Variants in POLG2 observed in about 807,000 individuals in gnomAD.
POLG2 encodes the protein DNA polymerase subunit gamma-2.
A neutral mutation model predicts 56.5 loss-of-function variants in POLG2; 50 were observed. That is an observed-to-expected ratio of 0.88 (90% confidence interval 0.71 to 1.12). The LOEUF is 1.12. Ranked by LOEUF, POLG2 falls within the 50% of genes most tolerant of loss-of-function variation. The pLI is 0.00. For synonymous variants in POLG2, 226 were observed against 222.6 expected (o/e 1.02, Z -0.14); for missense variants, 584 against 583.3 (o/e 1.00, Z -0.01).
In POLG2 at chr17:64,480,374, A is replaced by G. The variant is rs1228387272; in HGVS notation, c.1207T>C (p.Phe403Leu). The change falls in exon 7 of 8, where the codon TTT becomes CTT. Residue 403 changes from phenylalanine to leucine, a missense_variant. Phe to Leu is a conservative substitution (Grantham distance 22). Transcript: ENST00000539111. ...LELRQVCQGL[F>L]NELLENGISV... ...ATCCCATTTTCTAGTAACTCATTAA[A>G]TAGCCCTTGACAAACCTAGAAAGAA... 7.7e-6 allele frequency: 12 copies of G among 1,567,500 alleles called. No homozygotes were observed. Among genetic ancestry groups the G allele is most frequent in the South Asian group, 2.2e-5 (2 of 90,124 alleles).
At chr17:64,483,861 C>CCA (rs1470139354) in intron 5 of POLG2, 2 of 152,324 alleles carry the variant, frequency 1.3e-5, no homozygotes, top group African/African-American at 4.8e-5. Flanking sequence ...CAGGTGCACG[C>CCA]CACCACGCCC....
intron 1 of POLG2, among the ~76,000 whole-genome samples, chr17:64,495,871 G>T (rs970774655): frequency 1.3e-5 from 2 of 152,008 alleles, no homozygotes; most frequent in Non-Finnish European, 2.9e-5. Flanking sequence ...GTCACGGCCG[G>T]CTAATTTTTG....
chr17:64,481,168 G>T, intron 6 of POLG2: 2 of 558,754 alleles, frequency 3.6e-6, no homozygotes, highest in Non-Finnish European at 4.5e-6. Flanking sequence ...AATCTCTCCA[G>T]ACATTACTAA....
Position 64,478,587 on chromosome 17 carries a change from C to T in POLG2, c.1293-599G>A, listed in dbSNP as rs533679158. Among the ~76,000 whole-genome samples, 19 of 152,198 alleles carry T rather than the reference C, an allele frequency of 1.2e-4. No homozygotes were observed. The South Asian group carries it at 3.9e-3, about 32-fold the overall frequency. On this transcript the variant is annotated intron_variant, in intron 7 of 7. Transcript: ENST00000539111. Reference sequence around the variant, plus strand: ...TTTATTTATTGTCTATTTTGTCCTACTAGAATATAAGCTTAACAAGAATAG... The same window carrying T: ...TTTATTTATTGTCTATTTTGTCCTATTAGAATATAAGCTTAACAAGAATAG...
At chr17:64,496,318 C>T (rs915510070) in intron 1 of POLG2, 89 bp downstream of exon 1, 2 of 802,006 alleles carry the variant, frequency 2.5e-6, no homozygotes, top group Non-Finnish European at 4.1e-6. Context: ...CATGGGAATA[C>T]AGGGCCAGTT....
chr17:64,478,121 A>G (rs1416750857), intron 7 of POLG2, 133 bp from the exon 8 acceptor site: 4 of 824,508 alleles, frequency 4.9e-6, no homozygotes, highest in Admixed American at 2.7e-5. Flanking sequence ...GGACCAAAAA[A>G]ACCCAACATT....
At chr17:64,491,808 T>C in intron 3 of POLG2, 1 of 501,782 alleles carries the variant, frequency 2.0e-6, no homozygotes, top group Non-Finnish European at 3.7e-6. Flanking sequence ...TGCTCTGCAC[T>C]CCCCCAGCAA....
At chr17:64,478,535 C>T (rs1053220829) in intron 7 of POLG2, among the ~76,000 whole-genome samples, 47 of 152,276 alleles carry the variant, frequency 3.1e-4, no homozygotes, top group African/African-American at 1.1e-3. Context: ...CTTTGTAGGA[C>T]TCCATCAGAA....
At chr17:64,479,805 G>C (rs951057652) in intron 7 of POLG2, among the ~76,000 whole-genome samples, 3 of 152,190 alleles carry the variant, frequency 2.0e-5, no homozygotes, top group African/African-American at 7.2e-5. Flanking sequence ...AGAGAATGAG[G>C]AAGAGGGAGG....
chr17:64,481,463 G>T (rs782006502), intron 6 of POLG2: 47 of 965,562 alleles, frequency 4.9e-5, no homozygotes, highest in Middle Eastern at 1.1e-3. Flanking sequence ...CGAAATGAAA[G>T]CCATCCCCCA....
rs2038160377 is a variant in POLG2 at position 64,496,790 on chromosome 17, G to A, written c.179C>T (p.Pro60Leu). ...LEGNGEHPEA[P>L]GSGEGSEALL... Reference sequence around the variant, plus strand: ...CGCCTCGCTTCCCTCTCCAGACCCGGGGGCTTCTGGGTGCTCGCCGTTCCC... The same window carrying A: ...CGCCTCGCTTCCCTCTCCAGACCCGAGGGCTTCTGGGTGCTCGCCGTTCCC... The change falls in exon 1 of 8, where the codon CCC (proline) becomes CTC (leucine). Residue 60 changes from proline (P) to leucine (L), a missense_variant. Transcript: ENST00000539111. 1 of 1,613,732 alleles carries A rather than the reference G, an allele frequency of 6.2e-7. No individual in the cohort carries two copies. Among genetic ancestry groups the A allele is most frequent in the South Asian group, 1.1e-5 (1 of 91,066 alleles).
Position 64,492,987 on chromosome 17 carries a change from C to G in POLG2, c.597G>C (p.Leu199=). 3.7e-6 allele frequency: 6 copies of G among 1,614,070 alleles called. No individual in the cohort carries two copies. Among genetic ancestry groups the G allele is most frequent in the Non-Finnish European group, 5.1e-6 (6 of 1,179,932 alleles). Residue 199 remains leucine, a synonymous_variant, in exon 2 of 8, where the codon CTG becomes CTC. Transcript: ENST00000539111. ...ALEHYVNCLD[L]VNKRLPYGLA... is the part of the protein sequence containing the mutation. ...GGCCATAAGGTAGCCTCTTGTTTAC[C>G]AGATCCAGGCAATTAACATAGTGTT... is the stretch of plus-strand genomic sequence containing the variant.
At chr17:64,480,935 A>G (rs1247858121) in intron 6 of POLG2, among the ~76,000 whole-genome samples, 3 of 152,238 alleles carry the variant, frequency 2.0e-5, no homozygotes, top group African/African-American at 7.2e-5. Flanking sequence ...CTTGACTGGA[A>G]ATACAGAAGT....
At chr17:64,495,594 T>C (rs1442239771) in intron 1 of POLG2, among the ~76,000 whole-genome samples, 2 of 152,188 alleles carry the variant, frequency 1.3e-5, no homozygotes, top group African/African-American at 4.8e-5. Context: ...ATTTACCAAT[T>C]CATATTTAAT....
Position 64,496,870 on chromosome 17 carries a change from C to T in POLG2, c.99G>A (p.Leu33=), listed in dbSNP as rs1170480966. The stretch of plus-strand genomic sequence containing the variant: ...CTCCTTTGGGGCTACTCCTTTCCGT[C>T]AACAGCTCCGGCTGCCCCGCATCTA... The part of the protein sequence containing the change: ...GRVDAGQPEL[L]TERSSPKGGH... The change falls in exon 1 of 8, where the codon TTG becomes TTA. Residue 33 remains leucine, a synonymous_variant. Coordinates refer to ENST00000539111, the MANE Select transcript of POLG2 (RefSeq NM_007215.4). The T allele has an allele frequency of 6.2e-7, 1 of 1,613,764 alleles. No homozygotes were observed. Among genetic ancestry groups the T allele is most frequent in the East Asian group, 2.2e-5 (1 of 44,882 alleles).
intron 5 of POLG2, among the ~76,000 whole-genome samples, chr17:64,484,891 A>G (rs2037925165): frequency 6.6e-6 from 1 of 152,088 alleles, no homozygotes. Flanking sequence ...AAAACTTTTG[A>G]TTTGGGGCAG....
intron 7 of POLG2, 74 bp downstream of exon 7, chr17:64,480,213 ATT>A: frequency 2.2e-6 from 1 of 444,490 alleles, no homozygotes; most frequent in Non-Finnish European, 4.0e-6. Flanking sequence ...TTTAGAAGAG[ATT>A]TGTTTCTGTA....
rs782605785 is a variant in POLG2 at position 64,490,828 on chromosome 17, G to A, written c.937C>T (p.His313Tyr). 4.3e-6 allele frequency: 7 copies of A among 1,613,338 alleles called. No individual in the cohort carries two copies. The Admixed American group carries it at 6.7e-5, about 15-fold the overall frequency. ...TTAGACACATTGCCAGGATACATGT[G>A]TAAAAGTTCGTGATCTCCTAGGTTC... is the stretch of plus-strand genomic sequence containing the variant. ...LWNLGDHELL[H>Y]MYPGNVSKLH... Residue 313 changes from histidine (H) to tyrosine (Y), a missense_variant, in exon 4 of 8, where the codon CAC becomes TAC. Transcript: ENST00000539111.
chr17:64,478,854 G>A (rs1048476768), intron 7 of POLG2, among the ~76,000 whole-genome samples: 1 of 152,040 alleles, frequency 6.6e-6, no homozygotes, highest in Admixed American at 6.6e-5. Context: ...CCGAGATCAC[G>A]CCATTGCACC....
Sources: allele counts gnomAD v4.1 joint callset (sites outside exome capture counted in the v4.1 genomes callset), GRCh38; gene constraint gnomAD v4.1.1; transcripts MANE v1.5; gene names NCBI Gene and HGNC (gene_info 2026-07-23, HGNC 2026-07-21).